Variants in XG observed in about 807,000 individuals in gnomAD.
The protein encoded by XG is Xg glycoprotein (Xg blood group).
A neutral mutation model predicts 25.7 loss-of-function variants in XG; 24 were observed. The ratio of observed to expected loss-of-function variants is 0.93; its 90% CI spans 0.68 to 1.31. The LOEUF (loss-of-function observed/expected upper bound fraction) is 1.31, where lower values mean the gene tolerates loss of function less well. Ranked by LOEUF, XG falls within the 40% of genes most tolerant of loss-of-function variation. The pLI is 0.00. For missense variants in XG, 181 were observed against 187.6 expected (o/e 0.96, Z 0.21); for synonymous variants, 77 against 69.2 (o/e 1.11, Z -0.56).
chrX:2,798,276 C>T (rs2086903607), intron 7 of XG, among the ~76,000 whole-genome samples: 2 of 110,714 alleles, frequency 1.8e-5, no homozygotes, highest in Admixed American at 9.7e-5. Context: ...ACAAAACACT[C>T]TGTAGGTTGA....
intron 1 of XG, among the ~76,000 whole-genome samples, chrX:2,763,975 C>T (rs1463500396): frequency 2.0e-5 from 3 of 152,080 alleles, no homozygotes; most frequent in African/African-American, 7.2e-5. Context: ...GGCTGCATTC[C>T]CGGATGGTCA....
rs1022521444 is a variant in XG at position 2,752,333 on chromosome X, G to A, written c.59G>A (p.Arg20Gln). 25 of 1,613,108 alleles carry A rather than the reference G, an allele frequency of 1.5e-5. No individual in the cohort carries two copies. Among genetic ancestry groups the A allele is most frequent in the South Asian group, 4.4e-5 (4 of 91,030 alleles). Residue 20 changes from arginine to glutamine, a missense_variant and splice_region_variant, in exon 1 of 11, where the codon CGA (arginine) becomes CAA (glutamine). By Grantham distance (43) the Arg-to-Gln change is conservative. Transcript: ENST00000644266. ...TTCCTGTGTTTTCTAATGCACGCCCGAGGTAAGAGGCATTTTGCTTTGAGG... is the reference window on the plus strand; with the variant it reads ...TTCCTGTGTTTTCTAATGCACGCCCAAGGTAAGAGGCATTTTGCTTTGAGG... ...LAFLCFLMHA[R>Q]GQRDFDLADA... is the part of the protein sequence containing the mutation.
intron 2 of XG, 141 bp from the exon 3 acceptor site, chrX:2,774,575 A>G (rs1198107596): frequency 2.2e-6 from 2 of 921,944 alleles, no homozygotes; most frequent in East Asian, 2.4e-5. Context: ...TCAATTCAAC[A>G]TGGAATTTGT....
chrX:2,758,879 A>G (rs1451430768), intron 1 of XG, among the ~76,000 whole-genome samples: 1 of 152,094 alleles, frequency 6.6e-6, no homozygotes, highest in Non-Finnish European at 1.5e-5. Flanking sequence ...CCATCCACCT[A>G]TCTGTCTCTA....
intron 6 of XG, among the ~76,000 whole-genome samples, chrX:2,795,667 A>G (rs1376850864): frequency 9.2e-6 from 1 of 108,554 alleles, no homozygotes; most frequent in Non-Finnish European, 1.9e-5. Flanking sequence ...GTATTTATTT[A>G]TTTTTTTTTG....
At chrX:2,767,740 G>C (rs921034452) in intron 1 of XG, among the ~76,000 whole-genome samples, 39 of 152,306 alleles carry the variant, frequency 2.6e-4, no homozygotes, top group African/African-American at 9.4e-4. Context: ...GGCCCTGCCT[G>C]GGAGATAGAT....
Position 2,752,125 on chromosome X carries a change from A to G in XG, c.-150A>G. On this transcript the variant is annotated 5_prime_UTR_variant, in exon 1 of 11. Transcript: ENST00000644266. ...AGCTTGGAGCCCATTTGTTTCTGGC[A>G]GTTCCGCTCATATTTTCCACTTGAA... 1 of 1,390,272 alleles carries G rather than the reference A, an allele frequency of 7.2e-7. No individual in the cohort carries two copies. Among genetic ancestry groups the G allele is most frequent in the East Asian group, 2.3e-5 (1 of 43,448 alleles). 86.1% of individuals were successfully genotyped at this position (1,390,272 alleles called of 1,614,324 possible).
chrX:2,814,253 C>T, intron 10 of XG, 111 bp from the exon 11 acceptor site: 1 of 945,002 alleles, frequency 1.1e-6, no homozygotes, highest in Non-Finnish European at 1.4e-6. Context: ...AAATCTAGAG[C>T]AAGAGTCTCT....
At chrX:2,794,078 C>T (rs1404457495) in intron 5 of XG, among the ~76,000 whole-genome samples, 1 of 110,530 alleles carries the variant, frequency 9.0e-6, no homozygotes, top group Non-Finnish European at 1.9e-5. Context: ...GATGTTGGCT[C>T]ATCCAGGAAG....
At chrX:2,761,678 G>A (rs2050568629) in intron 1 of XG, among the ~76,000 whole-genome samples, 1 of 151,618 alleles carries the variant, frequency 6.6e-6, no homozygotes, top group Non-Finnish European at 1.5e-5. Context: ...ATGGTATGCT[G>A]TGACAGCAGC....
At chrX:2,765,782 T>A (rs745831023) in intron 1 of XG, among the ~76,000 whole-genome samples, 33 of 151,176 alleles carry the variant, frequency 2.2e-4, no homozygotes, top group African/African-American at 7.3e-4. Context: ...CAGTGGGCAG[T>A]GGCCTCGACA....
intron 3 of XG, among the ~76,000 whole-genome samples, chrX:2,777,329 T>C (rs756300504): frequency 6.6e-6 from 1 of 152,316 alleles, no homozygotes; most frequent in Non-Finnish European, 1.5e-5. Flanking sequence ...TAAGGTTAAG[T>C]GTTCCTGCTA....
intron 1 of XG, among the ~76,000 whole-genome samples, chrX:2,764,768 C>T (rs182512675): frequency 7.4e-4 from 112 of 151,968 alleles, no homozygotes; most frequent in Non-Finnish European, 1.3e-3. Flanking sequence ...AGGCCGGGGG[C>T]GGTGGCTCAT....
chrX:2,795,091 C>T (rs1362820591), intron 6 of XG, among the ~76,000 whole-genome samples: 10 of 108,715 alleles, frequency 9.2e-5, no homozygotes, highest in Non-Finnish European at 1.3e-4. Context: ...TGTATATATA[C>T]AGTACGTGGA....
chrX:2,795,004 A>C (rs1445468712), intron 6 of XG, among the ~76,000 whole-genome samples: 4 of 111,125 alleles, frequency 3.6e-5, no homozygotes, highest in Non-Finnish European at 7.5e-5. Context: ...TTGTGTGTAT[A>C]TATGCTTTTA....
chrX:2,815,516 A>G lies in XG; in HGVS notation c.*1136A>G, dbSNP rs1188750249. The G allele has an allele frequency of 8.9e-6, 1 of 111,764 alleles. No individual in the cohort carries two copies. The highest frequency in any genetic ancestry group is 9.5e-5 in the Admixed American group (1 of 10,480). The allele number at this position is 111,764 out of a possible 1,213,427, so 9.2% of individuals were successfully genotyped here. The stretch of plus-strand genomic sequence containing the variant: ...GGGGTCTTCAAAGAGAGAAGGTTGA[A>G]AGTGGAAAGCACTTGAAAGGGCTCC... On this transcript the variant is annotated 3_prime_UTR_variant, in exon 11 of 11. Coordinates refer to ENST00000644266, the MANE Select transcript of XG (RefSeq NM_001141919.2).
chrX:2,776,716 C>T (rs191579723), intron 3 of XG, among the ~76,000 whole-genome samples: 2,447 of 152,212 alleles, frequency 0.016, 59 homozygotes, highest in African/African-American at 0.056. Context: ...GGCATGGTGG[C>T]GGGCGCCTGT....
rs1420066518 is a variant in XG at position 2,789,695 on chromosome X, G to A, written c.242G>A (p.Gly81Asp). Reference protein sequence around the residue: ...PRPQPQPGNSGNSGGYFNDVD... With the variant: ...PRPQPQPGNSDNSGGYFNDVD... ...CCTCAACCCCAGCCTGGCAATTCCG[G>A]CAACAGTGGAGGTAATGAGTATTTA... Residue 81 changes from glycine (G) to aspartate (D), a missense_variant, in exon 5 of 11, where the codon GGC becomes GAC. By Grantham distance (94) the Gly-to-Asp change is moderately conservative. Transcript: ENST00000644266. 8.9e-7 allele frequency: 1 copy of A among 1,127,167 alleles called. No homozygotes were observed. Among genetic ancestry groups the A allele is most frequent in the African/African-American group, 1.8e-5 (1 of 54,407 alleles). 92.9% of individuals were successfully genotyped at this position (1,127,167 alleles called of 1,213,427 possible). A position where few individuals can be genotyped will look rare whatever the true frequency, so the allele number is the denominator to read the frequency against.
At position 2,815,803 on chromosome X, in the gene XG, A is replaced by ACACACACACT. The variant is rs3841611; in HGVS notation, c.*1432_*1433insTCACACACAC. 3 of 105,015 alleles carry ACACACACACT rather than the reference A, an allele frequency of 2.9e-5. No individual in the cohort carries two copies. Among genetic ancestry groups the ACACACACACT allele is most frequent in the African/African-American group, 1.1e-4 (3 of 26,454 alleles). The allele number at this position is 105,015 out of a possible 1,213,427, so 8.7% of individuals were successfully genotyped here. A position where few individuals can be genotyped will look rare whatever the true frequency, so the allele number is the denominator to read the frequency against. On this transcript the variant is annotated 3_prime_UTR_variant, in exon 11 of 11. Transcript: ENST00000644266. ...TGAAAAAACCTGTGTTTTTAGTTAC[A>ACACACACACT]CACACACACACACACACACCTACTT...
Sources: gnomAD v4.1 joint callset for allele counts (sites outside exome capture counted in the v4.1 genomes callset) on GRCh38, gnomAD v4.1.1 for gene constraint, MANE v1.5 for transcripts, NCBI Gene and HGNC (gene_info 2026-07-23, HGNC 2026-07-21) for gene names.